Variants in EOGT observed in about 807,000 individuals in gnomAD.
EOGT encodes EGF domain specific O-linked N-acetylglucosamine transferase, also known as EGF domain-specific O-linked N-acetylglucosamine transferase.
EOGT carries 55 observed loss-of-function variants against 70.5 expected under a neutral mutation model. The ratio of observed to expected loss-of-function variants is 0.78; its 90% confidence interval spans 0.63 to 0.98. The LOEUF (loss-of-function observed/expected upper bound fraction) is 0.98. EOGT is among the 50% of genes least tolerant of loss of function. EOGT has a pLI of 0.00. For synonymous variants in EOGT, 246 were observed against 217.1 expected, an observed-to-expected ratio of 1.13 and a Z score of -1.17; for missense variants, 703 against 641.9, an observed-to-expected ratio of 1.10 and a Z score of -1.03.
chr3:68,979,555 T>G lies in EOGT; in HGVS notation c.1334+113A>C, dbSNP rs2090571835. 2.5e-6 allele frequency: 3 copies of G among 1,200,702 alleles called. No homozygotes were observed. In the Admixed American group the frequency reaches 7.5e-5, roughly 30 times the overall value. 74.4% of individuals were successfully genotyped at this position (1,200,702 alleles called of 1,614,324 possible). A position where few individuals can be genotyped will look rare whatever the true frequency, so the allele number is the denominator to read the frequency against. On this transcript the variant is annotated intron_variant, in intron 16 of 17. Coordinates refer to ENST00000383701, the MANE Select transcript of EOGT (RefSeq NM_001278689.2). The stretch of plus-strand genomic sequence containing the variant: ...TTCCAGATTGTCTATATGATGTGAC[T>G]TCTCTTTTTGAATGATTAAATATTA...
intron 15 of EOGT, among the ~76,000 whole-genome samples, chr3:68,980,895 A>G (rs967729845): frequency 3.3e-5 from 5 of 152,148 alleles, no homozygotes; most frequent in African/African-American, 1.2e-4. Context: ...ATTCATTATC[A>G]TTCTTGCTTA....
intron 6 of EOGT, 85 bp from the exon 7 acceptor site, chr3:69,005,319 C>T (rs1201286339): frequency 2.8e-5 from 19 of 688,020 alleles, no homozygotes; most frequent in African/African-American, 1.4e-4. Flanking sequence ...ACTGACAGCA[C>T]GGATACCCTC....
chr3:68,990,610 T>G (rs2090967192), intron 10 of EOGT, among the ~76,000 whole-genome samples: 1 of 152,148 alleles, frequency 6.6e-6, no homozygotes, highest in Non-Finnish European at 1.5e-5. Context: ...TACCACGGCC[T>G]CCTAAAGTGC....
Position 69,004,482 on chromosome 3 carries a change from T to A in EOGT, c.516A>T (p.Arg172Ser). The A allele has an allele frequency of 6.2e-7, 1 of 1,606,992 alleles. No individual in the cohort carries two copies. Among genetic ancestry groups the A allele is most frequent in the Non-Finnish European group, 8.5e-7 (1 of 1,173,602 alleles). ...DLRNIKRNHDRFKEDFFQSGE... is the reference protein window; with the variant it reads ...DLRNIKRNHDSFKEDFFQSGE... ...CACTCTGGAAAAAGTCCTCCTTAAA[T>A]CTGGTATATAACAAAACATTAAGTT... The change falls in exon 8 of 18, where the codon AGA becomes AGT. Residue 172 changes from arginine (R) to serine (S), a missense_variant and splice_region_variant. Coordinates refer to ENST00000383701, the MANE Select transcript of EOGT (RefSeq NM_001278689.2).
At chr3:68,979,459 AGG>A (rs1290072905) in intron 16 of EOGT, among the ~76,000 whole-genome samples, 1 of 152,210 alleles carries the variant, frequency 6.6e-6, no homozygotes, top group Non-Finnish European at 1.5e-5. Flanking sequence ...GGGAAGATGA[AGG>A]GGTAGTTGGC....
intron 9 of EOGT, among the ~76,000 whole-genome samples, chr3:68,999,673 A>T (rs1184919702): frequency 6.6e-6 from 1 of 152,236 alleles, no homozygotes; most frequent in African/African-American, 2.4e-5. Context: ...TTTTCAAATT[A>T]ACAAGAAAAA....
rs2090454699 is a variant in EOGT, at chr3:68,975,667, T to C, written c.*1951A>G. 1 of 152,376 alleles carries C rather than the reference T, an allele frequency of 6.6e-6. No individual in the cohort carries two copies. The highest frequency in any genetic ancestry group is 2.4e-5 in the African/African-American group (1 of 41,470). 9.4% of individuals were successfully genotyped at this position (152,376 alleles called of 1,614,324 possible). A position where few individuals can be genotyped will look rare whatever the true frequency, so the allele number is the denominator to read the frequency against. Reference sequence around the variant, plus strand: ...TTTTGCACACAAAAAACAGTTACAATACCTGCCACTTAAAAATCCATAACA... The same window carrying C: ...TTTTGCACACAAAAAACAGTTACAACACCTGCCACTTAAAAATCCATAACA... On this transcript the variant is annotated 3_prime_UTR_variant, in exon 18 of 18. Coordinates refer to ENST00000383701, the MANE Select transcript of EOGT (RefSeq NM_001278689.2).
chr3:68,980,108 A>G (rs946672142), intron 15 of EOGT, among the ~76,000 whole-genome samples: 2 of 152,202 alleles, frequency 1.3e-5, no homozygotes, highest in Non-Finnish European at 2.9e-5. Flanking sequence ...TGATATAATC[A>G]AACTAAGTAG....
chr3:68,995,173 C>T (rs138649252), intron 10 of EOGT, among the ~76,000 whole-genome samples: 40 of 152,258 alleles, frequency 2.6e-4, no homozygotes, highest in African/African-American at 8.7e-4. Context: ...CACCATCCAC[C>T]GGGAGGGATT....
chr3:69,000,707 TA>T (rs2091272419), intron 9 of EOGT, among the ~76,000 whole-genome samples: 1 of 152,164 alleles, frequency 6.6e-6, no homozygotes. Context: ...ATGAAAGAGA[TA>T]ATATAGTACA....
In EOGT at chr3:68,988,300, G is replaced by T. The variant is rs1425082047; in HGVS notation, c.1078C>A (p.Pro360Thr). ...LHRLNITQEG[P>T]KDGKIRVTIL... The stretch of plus-strand genomic sequence containing the variant: ...ATCCGCAGTGTATCCATTACCTTAG[G>T]TCCTTCTTGTGTGATGTTTAGTCTG... The change falls in exon 13 of 18, where the codon CCT becomes ACT. Residue 360 changes from proline to threonine, a missense_variant. Pro to Thr is a conservative substitution (Grantham distance 38). Transcript: ENST00000383701. 4.3e-5 allele frequency: 66 copies of T among 1,534,620 alleles called. No homozygotes were observed. Among genetic ancestry groups the T allele is most frequent in the Non-Finnish European group, 5.3e-5 (61 of 1,145,714 alleles).
intron 14 of EOGT, among the ~76,000 whole-genome samples, chr3:68,983,709 A>G (rs1274014624): frequency 6.6e-6 from 1 of 152,258 alleles, no homozygotes; most frequent in South Asian, 2.1e-4. Flanking sequence ...CACACCTGCA[A>G]TCCCAGCACT....
chr3:68,991,904 G>T (rs557792348), intron 10 of EOGT, among the ~76,000 whole-genome samples: 1 of 152,260 alleles, frequency 6.6e-6, no homozygotes, highest in South Asian at 2.1e-4. Context: ...GAGAAAATGA[G>T]GAAGAAGCAA....
chr3:68,993,061 C>T (rs895129316), intron 10 of EOGT, among the ~76,000 whole-genome samples: 14 of 152,164 alleles, frequency 9.2e-5, no homozygotes, highest in African/African-American at 1.9e-4. Context: ...GGGAAGCGGC[C>T]GCCATGAAGG....
intron 14 of EOGT, 63 bp downstream of exon 14, chr3:68,987,382 A>AC: frequency 3.1e-6 from 4 of 1,272,574 alleles, no homozygotes; most frequent in Non-Finnish European, 4.5e-6. Context: ...TGAAAAAAAA[A>AC]AAAACACAAT....
chr3:68,983,539 C>G (rs2090713271), intron 14 of EOGT, among the ~76,000 whole-genome samples: 2 of 152,256 alleles, frequency 1.3e-5, no homozygotes, highest in Admixed American at 1.3e-4. Context: ...GCAACTGTGT[C>G]ATGTTGCCTT....
At chr3:69,001,582 A>G in intron 9 of EOGT, 26 bp downstream of exon 9, 1 of 1,446,072 alleles carries the variant, frequency 6.9e-7, no homozygotes, top group Non-Finnish European at 9.6e-7. Context: ...ACAAATACAC[A>G]AATAACAGAA....
At chr3:68,983,722 G>A (rs12492421) in intron 14 of EOGT, among the ~76,000 whole-genome samples, 45,779 of 152,142 alleles carry the variant, frequency 0.3, 7,266 homozygotes, top group East Asian at 0.46. Context: ...CCAGCACTTT[G>A]GGAGGCCGAG....
At chr3:68,981,848 A>G (rs1818287) in intron 15 of EOGT, among the ~76,000 whole-genome samples, 46,122 of 142,764 alleles carry the variant, frequency 0.32, 7,404 homozygotes, top group East Asian at 0.48. Flanking sequence ...GTTATCAAAC[A>G]TTTGATAATG....
Sources: gnomAD v4.1 joint callset for allele counts (sites outside exome capture counted in the v4.1 genomes callset) on GRCh38, gnomAD v4.1.1 for gene constraint, MANE v1.5 for transcripts, NCBI Gene and HGNC (gene_info 2026-07-23, HGNC 2026-07-21) for gene names.